NPIPA1: variants seen among roughly 807,000 people sequenced by gnomAD.
NPIPA1 encodes nuclear pore complex interacting protein family member A1.
For missense variants in NPIPA1, 22 were observed against 232.2 expected (o/e 0.09, Z 5.88); for synonymous variants, 7 against 88.0 (o/e 0.08, Z 5.15).
chr16:14,947,306 A>G (rs1204427331), intron 4 of NPIPA1, among the ~76,000 whole-genome samples: 2 of 152,140 alleles, frequency 1.3e-5, no homozygotes, highest in Admixed American at 6.6e-5. Flanking sequence ...ATGGGAGTCT[A>G]CTTCTGGGGG....
intron 1 of NPIPA1, chr16:14,938,150 C>G (rs188427909): frequency 0.024 from 32,588 of 1,331,142 alleles, 2 homozygotes; most frequent in Admixed American, 0.11. Context: ...CCTTCCCTCC[C>G]CCCTGCCCTA....
intron 2 of NPIPA1, among the ~76,000 whole-genome samples, chr16:14,943,155 T>C (rs1445191262): frequency 6.6e-6 from 1 of 151,976 alleles, no homozygotes; most frequent in African/African-American, 2.4e-5. Context: ...TTTTTTTTTT[T>C]TTTTTTCTTT....
intron 4 of NPIPA1, among the ~76,000 whole-genome samples, chr16:14,946,219 TTCTC>T (rs1250995710): frequency 3.7e-5 from 4 of 107,874 alleles, no homozygotes; most frequent in African/African-American, 1.1e-4. Flanking sequence ...TGGTTTTCCT[TTCTC>T]TCTCTCTTTT....
intron 2 of NPIPA1, among the ~76,000 whole-genome samples, chr16:14,944,738 T>A (rs1425551136): frequency 4.7e-5 from 7 of 150,340 alleles, no homozygotes; most frequent in Non-Finnish European, 8.9e-5. Context: ...CCGGAGTAGC[T>A]GGGACTACAG....
intron 1 of NPIPA1, among the ~76,000 whole-genome samples, chr16:14,940,400 C>T (rs1427153821): frequency 6.6e-6 from 1 of 152,108 alleles, no homozygotes; most frequent in Admixed American, 6.6e-5. Flanking sequence ...ATTTAAAAAA[C>T]AAATAACTAA....
chr16:14,944,992 A>G (rs1234731170), intron 2 of NPIPA1, among the ~76,000 whole-genome samples: 4 of 148,546 alleles, frequency 2.7e-5, no homozygotes, highest in African/African-American at 9.9e-5. Context: ...GCTCAACACA[A>G]CCTTTTCCTG....
At chr16:14,947,602 G>A (rs1226364637) in intron 4 of NPIPA1, among the ~76,000 whole-genome samples, 2 of 149,182 alleles carry the variant, frequency 1.3e-5, no homozygotes, top group African/African-American at 2.5e-5. Context: ...GGTTCCAAAT[G>A]CGAGGCTGAC....
At chr16:14,947,787 T>C (rs1240831865) in intron 4 of NPIPA1, among the ~76,000 whole-genome samples, 2 of 152,246 alleles carry the variant, frequency 1.3e-5, no homozygotes, top group Non-Finnish European at 2.9e-5. Flanking sequence ...GAATGCTTCC[T>C]TAGCCTCCCT....
At chr16:14,943,256 A>G (rs1965796746) in intron 2 of NPIPA1, among the ~76,000 whole-genome samples, 1 of 151,534 alleles carries the variant, frequency 6.6e-6, no homozygotes. Context: ...TCCTGGCTTC[A>G]AGTGATTCCC....
At chr16:14,946,635 C>A (rs1465473195) in intron 4 of NPIPA1, among the ~76,000 whole-genome samples, 2 of 145,650 alleles carry the variant, frequency 1.4e-5, no homozygotes, top group African/African-American at 5.0e-5. Flanking sequence ...AGCAATTCTG[C>A]CTTGGCTTCC....
intron 2 of NPIPA1, among the ~76,000 whole-genome samples, chr16:14,944,331 A>G (rs1965826164): frequency 6.6e-6 from 1 of 152,256 alleles, no homozygotes; most frequent in East Asian, 1.9e-4. Flanking sequence ...AATGTTTTGC[A>G]TTAAGTTCAA....
At chr16:14,947,799 C>T (rs575145435) in intron 4 of NPIPA1, among the ~76,000 whole-genome samples, 99 of 152,166 alleles carry the variant, frequency 6.5e-4, no homozygotes, top group African/African-American at 2.1e-3. Flanking sequence ...AGCCTCCCTC[C>T]AGAGTCAGGT....
At chr16:14,946,688 ATTTTTTTT>A (rs57059259) in intron 4 of NPIPA1, among the ~76,000 whole-genome samples, 9 of 89,948 alleles carry the variant, frequency 1.0e-4, no homozygotes, top group African/African-American at 1.8e-4. Flanking sequence ...CATTCGGCCA[ATTTTTTTT>A]TTTTTTTTTT....
Position 14,947,415 on chromosome 16 carries a change from G to T in NPIPA1, c.437+1434G>T, listed in dbSNP as rs369549788. ...ATTTCCTGTCCACCTCTATTCTGAT[G>T]CATGACTCTTCTGGGTCTCAACCAG... On this transcript the variant is annotated intron_variant, in intron 4 of 7. Transcript: ENST00000328085. Among the ~76,000 whole-genome samples, 24 of 151,366 alleles carry T rather than the reference G, an allele frequency of 1.6e-4. No individual in the cohort carries two copies. In the East Asian group the frequency reaches 3.2e-3, roughly 20 times the overall value.
chr16:14,942,976 A>C (rs541012970), intron 2 of NPIPA1, among the ~76,000 whole-genome samples: 7 of 152,358 alleles, frequency 4.6e-5, no homozygotes, highest in Non-Finnish European at 1.0e-4. Flanking sequence ...AGGGAAGAGG[A>C]AGTATGTTTC....
chr16:14,943,729 A>G (rs1965808660), intron 2 of NPIPA1, among the ~76,000 whole-genome samples: 1 of 151,732 alleles, frequency 6.6e-6, no homozygotes, highest in African/African-American at 2.4e-5. Flanking sequence ...GCTGTGGGAT[A>G]GACGTGGTTG....
At chr16:14,941,203 C>T (rs1177946325) in intron 1 of NPIPA1, among the ~76,000 whole-genome samples, 15 of 150,922 alleles carry the variant, frequency 9.9e-5, no homozygotes, top group African/African-American at 2.2e-4. Flanking sequence ...TTTGGGAGGC[C>T]GAGGCAGGCA....
At chr16:14,946,798 G>A (rs1271813782) in intron 4 of NPIPA1, among the ~76,000 whole-genome samples, 6 of 150,176 alleles carry the variant, frequency 4.0e-5, no homozygotes, top group Non-Finnish European at 5.9e-5. Flanking sequence ...AGGTTCAAAC[G>A]ATTCTTATCC....
intron 1 of NPIPA1, among the ~76,000 whole-genome samples, chr16:14,940,711 AAAAAT>A (rs1431082276): frequency 7.8e-6 from 1 of 128,406 alleles, no homozygotes; most frequent in African/African-American, 3.0e-5. Context: ...GTCTCAAAAC[AAAAAT>A]AAAAGATAAG....
Sources: allele counts gnomAD v4.1 joint callset (sites outside exome capture counted in the v4.1 genomes callset), GRCh38; gene constraint gnomAD v4.1.1; transcripts MANE v1.5; gene names NCBI Gene and HGNC (gene_info 2026-07-23, HGNC 2026-07-21).